The following BRD10 variants were observed in gnomAD, a reference collection of about 807,000 sequenced individuals.
The protein encoded by BRD10 is uncharacterized bromodomain-containing protein 10.
the BRD10 span, among the ~76,000 whole-genome samples, chr9:5,973,302 A>G: frequency 6.6e-6 from 1 of 152,076 alleles, no homozygotes; most frequent in Non-Finnish European, 1.5e-5. Flanking sequence ...CCCTGTCTCT[A>G]CTAGAAATAC....
At chr9:5,922,904 T>C in the BRD10 span, 1 of 1,614,016 alleles carries the variant, frequency 6.2e-7, no homozygotes, top group South Asian at 1.1e-5. Flanking sequence ...AGCAAGAGCA[T>C]TTCTACCTGT....
chr9:5,911,059 G>A, the BRD10 span, among the ~76,000 whole-genome samples: 2 of 152,134 alleles, frequency 1.3e-5, no homozygotes, highest in Non-Finnish European at 2.9e-5. Flanking sequence ...GATCCTATTT[G>A]TCCATTTTGG....
the BRD10 span, among the ~76,000 whole-genome samples, chr9:5,971,218 C>G: frequency 1.3e-5 from 2 of 152,008 alleles, no homozygotes; most frequent in African/African-American, 4.8e-5. Flanking sequence ...AGATACTACT[C>G]CAAAACTACT....
At chr9:5,949,140 T>C in the BRD10 span, among the ~76,000 whole-genome samples, 6 of 152,162 alleles carry the variant, frequency 3.9e-5, no homozygotes, top group Non-Finnish European at 8.8e-5. Flanking sequence ...AAAATATTCA[T>C]TTTAAGAGGG....
At chr9:5,917,576 A>T in the BRD10 span, among the ~76,000 whole-genome samples, 1 of 152,180 alleles carries the variant, frequency 6.6e-6, no homozygotes, top group Non-Finnish European at 1.5e-5. Flanking sequence ...GCTCACACCT[A>T]TAATCCCAGC....
the BRD10 span, among the ~76,000 whole-genome samples, chr9:5,915,008 C>T: frequency 2.6e-5 from 4 of 152,060 alleles, no homozygotes; most frequent in African/African-American, 9.7e-5. Context: ...AACAAAACAA[C>T]AATAACCCCC....
the BRD10 span, chr9:5,969,466 T>G: frequency 7.4e-7 from 1 of 1,355,224 alleles, no homozygotes; most frequent in South Asian, 1.5e-5. Flanking sequence ...TATACTATTA[T>G]TATTCAGAGG....
At chr9:5,948,866 T>G in the BRD10 span, among the ~76,000 whole-genome samples, 18 of 152,088 alleles carry the variant, frequency 1.2e-4, no homozygotes, top group Non-Finnish European at 2.5e-4. Flanking sequence ...AAACTAAAAT[T>G]ATAATGGCAT....
At chr9:5,968,380 T>C in the BRD10 span, 1 of 1,611,700 alleles carries the variant, frequency 6.2e-7, no homozygotes, top group Non-Finnish European at 8.5e-7. Context: ...CACCGTATTT[T>C]TCCTGATTTT....
chr9:5,893,629 G>T, the BRD10 span, among the ~76,000 whole-genome samples: 20 of 152,160 alleles, frequency 1.3e-4, no homozygotes, highest in Non-Finnish European at 2.1e-4. Flanking sequence ...CATTGCCCGT[G>T]CTATTAGTTA....
At chr9:5,901,961 T>C in the BRD10 span, among the ~76,000 whole-genome samples, 13 of 152,362 alleles carry the variant, frequency 8.5e-5, no homozygotes, top group East Asian at 1.3e-3. Flanking sequence ...ATGAGTGATA[T>C]TGAGCTGTAG....
the BRD10 span, among the ~76,000 whole-genome samples, chr9:5,996,805 C>T: frequency 6.6e-6 from 1 of 152,158 alleles, no homozygotes; most frequent in African/African-American, 2.4e-5. Flanking sequence ...GTTAGGGCTG[C>T]TCTGCTGAAC....
the BRD10 span, among the ~76,000 whole-genome samples, chr9:5,973,498 A>C: frequency 2.5e-4 from 38 of 152,280 alleles, 1 homozygote; most frequent in East Asian, 7.3e-3. Context: ...CATAAAATAA[A>C]ATACATAACA....
At chr9:6,002,010 T>C in the BRD10 span, among the ~76,000 whole-genome samples, 19 of 152,330 alleles carry the variant, frequency 1.2e-4, no homozygotes, top group Middle Eastern at 3.4e-3. Context: ...TTAGATGTCC[T>C]AGCAAAAAAA....
At chr9:5,955,412 G>A in the BRD10 span, among the ~76,000 whole-genome samples, 46 of 152,186 alleles carry the variant, frequency 3.0e-4, no homozygotes, top group Middle Eastern at 3.4e-3. Context: ...AAATGAATGC[G>A]TACATAAAGT....
At chr9:5,884,282 T>C in the BRD10 span, among the ~76,000 whole-genome samples, 1 of 152,188 alleles carries the variant, frequency 6.6e-6, no homozygotes, top group East Asian at 1.9e-4. Context: ...GTCAACCCAT[T>C]TTTTTCCCTG....
chr9:5,915,836 G>T, the BRD10 span, among the ~76,000 whole-genome samples: 1 of 152,136 alleles, frequency 6.6e-6, no homozygotes, highest in Non-Finnish European at 1.5e-5. Context: ...CAAGAAGTGC[G>T]TAGAATACAT....
At chr9:5,956,187 G>T in the BRD10 span, among the ~76,000 whole-genome samples, 2 of 151,992 alleles carry the variant, frequency 1.3e-5, no homozygotes, top group African/African-American at 4.8e-5. Flanking sequence ...ACCCTTGATA[G>T]TCCCATGAAT....
chr9:6,008,002 G>A, the BRD10 span: 20 of 1,265,446 alleles, frequency 1.6e-5, no homozygotes, highest in East Asian at 6.6e-5. Flanking sequence ...GGAGGGGGGA[G>A]AGAAGAGGAG....
Sources: allele counts gnomAD v4.1 joint callset (sites outside exome capture counted in the v4.1 genomes callset), GRCh38; gene constraint gnomAD v4.1.1; transcripts MANE v1.5; gene names NCBI Gene and HGNC (gene_info 2026-07-23, HGNC 2026-07-21).